TAOK1: variants seen among roughly 807,000 people sequenced by gnomAD.
The protein encoded by TAOK1 is TAO kinase 1, also known as serine/threonine-protein kinase TAO1.
TAOK1 carries 21 observed loss-of-function variants against 138.3 expected under a neutral mutation model. The ratio of observed to expected loss-of-function variants is 0.15; its 90% CI spans 0.11 to 0.22. The LOEUF (loss-of-function observed/expected upper bound fraction) is 0.22. Among genes scored for constraint, TAOK1 ranks in the 10% least tolerant of loss-of-function variants. The pLI, the probability that TAOK1 is intolerant of heterozygous loss-of-function variation, is 1.00. For missense variants in TAOK1, 651 were observed against 1,227.7 expected, an observed-to-expected ratio of 0.53 and a Z score of 7.02; for synonymous variants, 361 against 398.4, an observed-to-expected ratio of 0.91 and a Z score of 1.12.
intron 1 of TAOK1, among the ~76,000 whole-genome samples, chr17:29,433,835 A>T (rs1905934999): frequency 6.6e-6 from 1 of 152,018 alleles, no homozygotes; most frequent in Non-Finnish European, 1.5e-5. Context: ...TAATCTAGCA[A>T]TTGTTAGATT....
intron 13 of TAOK1, among the ~76,000 whole-genome samples, chr17:29,507,055 A>G (rs2031641172): frequency 6.6e-6 from 1 of 152,178 alleles, no homozygotes; most frequent in African/African-American, 2.4e-5. Flanking sequence ...TATAGAGACA[A>G]AAAGCAGATT....
intron 18 of TAOK1, among the ~76,000 whole-genome samples, chr17:29,532,524 G>A (rs1166456170): frequency 6.6e-6 from 1 of 152,018 alleles, no homozygotes; most frequent in Non-Finnish European, 1.5e-5. Context: ...CTGGGTACTT[G>A]AGATTAGGGA....
intron 17 of TAOK1, among the ~76,000 whole-genome samples, chr17:29,523,205 A>G (rs543153810): frequency 9.9e-5 from 15 of 151,948 alleles, no homozygotes; most frequent in Admixed American, 4.6e-4. Context: ...TGCTGTAAAT[A>G]TGACTTGTAC....
chr17:29,508,473 T>C (rs890904557), intron 14 of TAOK1, among the ~76,000 whole-genome samples: 1 of 152,180 alleles, frequency 6.6e-6, no homozygotes, highest in Non-Finnish European at 1.5e-5. Context: ...GTACTAGGTC[T>C]GGGAACTAAT....
At chr17:29,465,128 A>ATTTTTTTT (rs57794003) in intron 2 of TAOK1, among the ~76,000 whole-genome samples, 10 of 63,156 alleles carry the variant, frequency 1.6e-4, no homozygotes, top group Admixed American at 2.1e-4. Flanking sequence ...GTCTTATTTA[A>ATTTTTTTT]TTTTTTTTTT....
chr17:29,400,953 C>G (rs948709032), intron 1 of TAOK1, among the ~76,000 whole-genome samples: 7 of 143,824 alleles, frequency 4.9e-5, no homozygotes, highest in Non-Finnish European at 9.0e-5. Context: ...CTCTGTTGCC[C>G]AGGCTGGAAC....
chr17:29,528,932 A>G (rs1179001855), intron 17 of TAOK1, among the ~76,000 whole-genome samples: 1 of 148,068 alleles, frequency 6.8e-6, no homozygotes, highest in African/African-American at 2.5e-5. Flanking sequence ...TCTAGATCTG[A>G]TAAGATATTG....
chr17:29,496,728 C>T (rs573752814), intron 11 of TAOK1, among the ~76,000 whole-genome samples: 2 of 151,594 alleles, frequency 1.3e-5, no homozygotes, highest in Admixed American at 1.3e-4. Context: ...GCTGGGACTA[C>T]AGGTGCGCCA....
intron 1 of TAOK1, among the ~76,000 whole-genome samples, chr17:29,446,775 G>C (rs1411165048): frequency 7.9e-6 from 1 of 125,934 alleles, no homozygotes; most frequent in East Asian, 2.3e-4. Context: ...TTGTGCCCTT[G>C]TTTCCCAGGC....
At chr17:29,533,183 C>CT (rs2032158510) in intron 18 of TAOK1, among the ~76,000 whole-genome samples, 1 of 146,938 alleles carries the variant, frequency 6.8e-6, no homozygotes, top group African/African-American at 2.5e-5. Flanking sequence ...CGGGCAGAGG[C>CT]GCTCCTCACA....
At chr17:29,499,570 T>C (rs1221044323) in intron 12 of TAOK1, among the ~76,000 whole-genome samples, 1 of 149,454 alleles carries the variant, frequency 6.7e-6, no homozygotes, top group Non-Finnish European at 1.5e-5. Flanking sequence ...CTTTCTTTTT[T>C]TTTTTTGAGA....
chr17:29,475,581 T>TTAA, intron 3 of TAOK1, 89 bp from the exon 4 acceptor site: 1 of 874,824 alleles, frequency 1.1e-6, no homozygotes, highest in Non-Finnish European at 1.8e-6. Context: ...TCTTGTTAAC[T>TTAA]CTTCTAAATT....
chr17:29,435,548 G>C (rs1906000357), intron 1 of TAOK1, among the ~76,000 whole-genome samples: 1 of 152,058 alleles, frequency 6.6e-6, no homozygotes, highest in African/African-American at 2.4e-5. Context: ...TCCTCTTAAG[G>C]TCCCAAGATA....
intron 12 of TAOK1, among the ~76,000 whole-genome samples, chr17:29,499,695 G>A (rs1270054944): frequency 6.6e-6 from 1 of 151,696 alleles, no homozygotes; most frequent in South Asian, 2.1e-4. Flanking sequence ...GAGTAGCTGG[G>A]ATTACAGGTG....
chr17:29,498,825 T>C (rs1386546480), intron 12 of TAOK1, among the ~76,000 whole-genome samples: 1 of 151,972 alleles, frequency 6.6e-6, no homozygotes, highest in Non-Finnish European at 1.5e-5. Flanking sequence ...ACTTGGGAGG[T>C]TGAGGTGGGA....
At chr17:29,443,702 T>C (rs1313255187) in intron 1 of TAOK1, among the ~76,000 whole-genome samples, 1 of 152,246 alleles carries the variant, frequency 6.6e-6, no homozygotes, top group Non-Finnish European at 1.5e-5. Context: ...TTAATGATAC[T>C]TTCCTCTAAG....
intron 6 of TAOK1, among the ~76,000 whole-genome samples, chr17:29,479,652 T>G (rs183521510): frequency 6.6e-6 from 1 of 152,310 alleles, no homozygotes; most frequent in Admixed American, 6.5e-5. Flanking sequence ...TAAAATATTA[T>G]AGTGAGAATT....
chr17:29,472,258 T>TG (rs1344902641), intron 3 of TAOK1, among the ~76,000 whole-genome samples: 3 of 150,462 alleles, frequency 2.0e-5, no homozygotes, highest in East Asian at 3.9e-4. Context: ...CGTTGTGTGT[T>TG]TTTTTTTTTT....
At chr17:29,487,068 G>C (rs2031186804) in intron 8 of TAOK1, among the ~76,000 whole-genome samples, 1 of 152,060 alleles carries the variant, frequency 6.6e-6, no homozygotes, top group Admixed American at 6.5e-5. Context: ...AGTCAACATG[G>C]TGAAACCCCG....
Sources: allele counts gnomAD v4.1 joint callset (sites outside exome capture counted in the v4.1 genomes callset), GRCh38; gene constraint gnomAD v4.1.1; transcripts MANE v1.5; gene names NCBI Gene and HGNC (gene_info 2026-07-23, HGNC 2026-07-21).